Variants in RXFP1 observed in about 807,000 individuals in gnomAD.
The protein encoded by RXFP1 is relaxin family peptide receptor 1.
A neutral mutation model predicts 89.8 loss-of-function variants in RXFP1; 73 were observed. That is an observed-to-expected ratio of 0.81 (90% confidence interval 0.67 to 0.99). The LOEUF is 0.99. Ranked by LOEUF, RXFP1 falls within the 50% of genes least tolerant of loss-of-function variation. The pLI is 0.00. For synonymous variants in RXFP1, 277 were observed against 305.5 expected, an observed-to-expected ratio of 0.91 and a Z score of 0.97; for missense variants, 793 against 895.5, an observed-to-expected ratio of 0.89 and a Z score of 1.46.
rs541967753 is a variant in RXFP1, at chr4:158,642,707, C to A, written c.1116-2202C>A. Among the ~76,000 whole-genome samples, 338 of 152,214 alleles carry A rather than the reference C, an allele frequency of 2.2e-3. 4 individuals carry two copies. Among genetic ancestry groups the A allele is most frequent in the Non-Finnish European group, 3.2e-4 (22 of 68,018 alleles). On this transcript the variant is annotated intron_variant, in intron 14 of 17. Transcript: ENST00000307765. ...TGTTCATCAACACCTAGGTTGACTC[C>A]ATATCTTGGCTATTGTGAATAGTGC...
At chr4:158,586,668 C>T (rs908522565) in intron 2 of RXFP1, among the ~76,000 whole-genome samples, 1 of 152,154 alleles carries the variant, frequency 6.6e-6, no homozygotes, top group Admixed American at 6.5e-5. Context: ...ATTTTGGCAA[C>T]ATTTCCCATG....
At chr4:158,590,202 A>G (rs1759144669) in intron 2 of RXFP1, among the ~76,000 whole-genome samples, 1 of 152,146 alleles carries the variant, frequency 6.6e-6, no homozygotes, top group Admixed American at 6.5e-5. Context: ...GGGTAGTTCT[A>G]TCACCCAGGC....
rs757578675 is a variant in RXFP1, at chr4:158,639,316, T to C, written c.1100T>C (p.Met367Thr). The change falls in exon 14 of 18, where the codon ATG becomes ACG. Residue 367 changes from methionine (M) to threonine (T), a missense_variant. By Grantham distance (81) the Met-to-Thr change is moderately conservative (BLOSUM62 -1). Transcript: ENST00000307765. ...NIQQRMFRPLMNLSHIYFKKF... is the reference protein window; with the variant it reads ...NIQQRMFRPLTNLSHIYFKKF... The stretch of plus-strand genomic sequence containing the variant: ...CAACAAAGGATGTTTAGACCTCTTA[T>C]GAATCTCTCTCACATGTAAGTAGAT... The C allele has an allele frequency of 6.5e-7, 1 of 1,543,448 alleles. No homozygotes were observed. Among genetic ancestry groups the C allele is most frequent in the African/African-American group, 1.4e-5 (1 of 73,698 alleles).
At chr4:158,650,422 A>AATATATATAAATATATATAT in intron 17 of RXFP1, among the ~76,000 whole-genome samples, 1 of 134,252 alleles carries the variant, frequency 7.4e-6, no homozygotes, top group Middle Eastern at 3.6e-3. Flanking sequence ...TATCCTGTTA[A>AATATATATAAATATATATAT]ATATATATAA....
chr4:158,647,011 A>G lies in RXFP1; in HGVS notation c.1566A>G (p.Arg522=). ...ICIVYPFRCV[R]PGKCRTITVL... is the part of the protein sequence containing the mutation. Reference sequence around the variant, plus strand: ...TTGTCTATCCTTTTAGATGTGTGAGACCTGGAAAATGCAGAACAATTACAG... The same window carrying G: ...TTGTCTATCCTTTTAGATGTGTGAGGCCTGGAAAATGCAGAACAATTACAG... Residue 522 remains arginine (R), a synonymous_variant, in exon 16 of 18, where the codon AGA becomes AGG. Coordinates refer to ENST00000307765, the MANE Select transcript of RXFP1 (RefSeq NM_021634.4). The G allele has an allele frequency of 7.4e-6, 12 of 1,614,128 alleles. No individual in the cohort carries two copies. The highest frequency in any genetic ancestry group is 9.3e-6 in the Non-Finnish European group (11 of 1,180,004).
chr4:158,581,670 A>AT (rs1175670934), intron 2 of RXFP1, among the ~76,000 whole-genome samples: 1 of 152,176 alleles, frequency 6.6e-6, no homozygotes, highest in Non-Finnish European at 1.5e-5. Flanking sequence ...TTTAATCCTC[A>AT]TGACAACCCA....
intron 1 of RXFP1, among the ~76,000 whole-genome samples, chr4:158,527,562 A>ATATAT (rs1553989390): frequency 1.0e-3 from 7 of 6,896 alleles, no homozygotes; most frequent in African/African-American, 1.1e-3. Context: ...CAAAAAAAAA[A>ATATAT]AAATATATAT....
rs375934469 is a variant in RXFP1, at chr4:158,528,020, C to T, written c.49+5995C>T. 3.1e-4 allele frequency among the ~76,000 whole-genome samples: 47 copies of T among 152,256 alleles called. No individual in the cohort carries two copies. The East Asian group carries it at 4.8e-3, about 16-fold the overall frequency. The stretch of plus-strand genomic sequence containing the variant: ...AAATAAATTTATTATCTACCAAAAT[C>T]CTAGCATCAATGATTAAGACTTTGC... On this transcript the variant is annotated intron_variant, in intron 1 of 17. Coordinates refer to ENST00000307765, the MANE Select transcript of RXFP1 (RefSeq NM_021634.4).
intron 9 of RXFP1, among the ~76,000 whole-genome samples, chr4:158,625,208 A>G (rs1392346368): frequency 6.6e-6 from 1 of 152,152 alleles, no homozygotes; most frequent in Non-Finnish European, 1.5e-5. Context: ...AGACCAAAAA[A>G]AGTAGCACTA....
chr4:158,589,614 G>A (rs1426818827), intron 2 of RXFP1, among the ~76,000 whole-genome samples: 1 of 152,162 alleles, frequency 6.6e-6, no homozygotes, highest in Non-Finnish European at 1.5e-5. Context: ...AACCTCATCA[G>A]ACAGGAAAGG....
intron 2 of RXFP1, among the ~76,000 whole-genome samples, chr4:158,591,183 G>A (rs937932252): frequency 1.6e-4 from 25 of 152,280 alleles, no homozygotes; most frequent in East Asian, 5.8e-4. Flanking sequence ...TGAAGAATAC[G>A]AAAGCATTCT....
intron 1 of RXFP1, among the ~76,000 whole-genome samples, chr4:158,549,050 C>G (rs1156661573): frequency 4.0e-5 from 6 of 151,694 alleles, no homozygotes; most frequent in Non-Finnish European, 8.8e-5. Flanking sequence ...GAGTGTTTTC[C>G]AACTTGGTTC....
At chr4:158,607,179 A>G (rs1762685144) in intron 5 of RXFP1, 1 of 1,299,928 alleles carries the variant, frequency 7.7e-7, no homozygotes, top group Non-Finnish European at 1.1e-6. Flanking sequence ...CAATGATGCA[A>G]TAGCGTATAC....
chr4:158,551,104 T>TA (rs1471741879), intron 1 of RXFP1, among the ~76,000 whole-genome samples: 1 of 151,706 alleles, frequency 6.6e-6, no homozygotes, highest in Non-Finnish European at 1.5e-5. Flanking sequence ...AAATGTGGTA[T>TA]ATATACATAA....
chr4:158,622,492 G>C (rs1030772464), intron 9 of RXFP1, among the ~76,000 whole-genome samples: 2 of 152,094 alleles, frequency 1.3e-5, no homozygotes, highest in Non-Finnish European at 2.9e-5. Flanking sequence ...CAGTTGAATG[G>C]ATAAAGAAAA....
chr4:158,582,459 C>T (rs9995331), intron 2 of RXFP1, among the ~76,000 whole-genome samples: 46,017 of 151,996 alleles, frequency 0.3, 12,584 homozygotes, highest in African/African-American at 0.73. Context: ...TGCATAAATC[C>T]ATCTGGTCCT....
At chr4:158,608,452 C>T (rs1263661461) in intron 6 of RXFP1, among the ~76,000 whole-genome samples, 1 of 150,296 alleles carries the variant, frequency 6.7e-6, no homozygotes, top group Non-Finnish European at 1.5e-5. Context: ...GACCAAGACC[C>T]TGTCTCTGAC....
At chr4:158,617,047 A>C in intron 8 of RXFP1, 84 bp from the exon 9 acceptor site, 1 of 936,546 alleles carries the variant, frequency 1.1e-6, no homozygotes, top group South Asian at 1.7e-5. Context: ...TGTGGGTTTC[A>C]TAAGAATAAT....
At chr4:158,544,014 A>G in intron 1 of RXFP1, 8 of 985,434 alleles carry the variant, frequency 8.1e-6, no homozygotes, top group Non-Finnish European at 9.6e-6. Flanking sequence ...GGGCATTTAA[A>G]TATAAAGATT....
Sources: gnomAD v4.1 joint callset for allele counts (sites outside exome capture counted in the v4.1 genomes callset) on GRCh38, gnomAD v4.1.1 for gene constraint, MANE v1.5 for transcripts, NCBI Gene and HGNC (gene_info 2026-07-23, HGNC 2026-07-21) for gene names.